The following ARPC1A variants were observed in gnomAD, a reference collection of about 807,000 sequenced individuals.
ARPC1A encodes the protein actin-related protein 2/3 complex subunit 1A.
In ARPC1A, 8 loss-of-function variants were observed where a neutral mutation model predicts 46.9. The ratio of observed to expected loss-of-function variants is 0.17; its 90% CI spans 0.10 to 0.31. The LOEUF (loss-of-function observed/expected upper bound fraction) is 0.31. ARPC1A is among the 10% of genes least tolerant of loss of function. The pLI is 1.00. For missense variants in ARPC1A, 286 were observed against 483.6 expected (o/e 0.59, Z 3.83); for synonymous variants, 152 against 169.0 (o/e 0.90, Z 0.78).
At chr7:99,335,627 G>C in intron 2 of ARPC1A, 1 of 296,442 alleles carries the variant, frequency 3.4e-6, no homozygotes, top group Non-Finnish European at 6.6e-6. Flanking sequence ...TTTTGACAGA[G>C]ATTACTTTGA....
Position 99,366,064 on chromosome 7 carries a change from G to C in ARPC1A, c.*135G>C. 1.8e-6 allele frequency: 2 copies of C among 1,117,378 alleles called. No individual in the cohort carries two copies. The highest frequency in any genetic ancestry group is 5.5e-5 in the East Asian group (2 of 36,532). 69.2% of individuals were successfully genotyped at this position (1,117,378 alleles called of 1,614,324 possible). On this transcript the variant is annotated 3_prime_UTR_variant, in exon 10 of 10. Coordinates refer to ENST00000262942, the MANE Select transcript of ARPC1A (RefSeq NM_006409.4). ...ACGCCAATGCCGTGTGGTTTTGTTT[G>C]AATATAAAATTGGTGAAAGTGTTGG...
At chr7:99,327,865 G>T (rs532789878) in intron 1 of ARPC1A, among the ~76,000 whole-genome samples, 60 of 152,274 alleles carry the variant, frequency 3.9e-4, no homozygotes, top group African/African-American at 1.3e-3. Flanking sequence ...TGGTGACCTT[G>T]TTGGAGTACT....
intron 6 of ARPC1A, among the ~76,000 whole-genome samples, chr7:99,355,792 T>C (rs1410248988): frequency 6.6e-6 from 1 of 150,752 alleles, no homozygotes; most frequent in Non-Finnish European, 1.5e-5. Context: ...CCTTACAAAA[T>C]GTAAGTGCCG....
chr7:99,333,429 A>T lies in ARPC1A; in HGVS notation c.64+12A>T. On this transcript the variant is annotated intron_variant, in intron 2 of 9. Coordinates refer to ENST00000262942, the MANE Select transcript of ARPC1A (RefSeq NM_006409.4). Reference sequence around the variant, plus strand: ...CAGGGATCGTACTCGTAAGTATTTTATTAACTTTGCTTTTGTATTTTGGTA... The same window carrying T: ...CAGGGATCGTACTCGTAAGTATTTTTTTAACTTTGCTTTTGTATTTTGGTA... 1 of 1,610,058 alleles carries T rather than the reference A, an allele frequency of 6.2e-7. No individual in the cohort carries two copies. Among genetic ancestry groups the T allele is most frequent in the South Asian group, 1.1e-5 (1 of 90,084 alleles).
chr7:99,338,989 GAGA>G (rs1793313844), intron 3 of ARPC1A, among the ~76,000 whole-genome samples: 1 of 152,144 alleles, frequency 6.6e-6, no homozygotes, highest in African/African-American at 2.4e-5. Context: ...CCAGAATATT[GAGA>G]AGAACAAAGT....
Position 99,336,156 on chromosome 7 carries a change from T to G in ARPC1A, c.65-2025T>G, listed in dbSNP as rs543234277. ...TTTTTAATACAGATGCAAGCTATCATTGTCCTCATTTAAACTACTTGATAA... is the reference window on the plus strand; with the variant it reads ...TTTTTAATACAGATGCAAGCTATCAGTGTCCTCATTTAAACTACTTGATAA... On this transcript the variant is annotated intron_variant, in intron 2 of 9. Transcript: ENST00000262942. 9.8e-5 allele frequency among the ~76,000 whole-genome samples: 15 copies of G among 152,338 alleles called. No homozygotes were observed. In the South Asian group the frequency reaches 3.1e-3, roughly 32 times the overall value.
In ARPC1A at chr7:99,338,378, A is replaced by ATTTTTTTTTT. The variant is rs754747240; in HGVS notation, c.169+109_169+118dup. The ATTTTTTTTTT allele has an allele frequency of 3.3e-3, 802 of 243,026 alleles. 80 individuals are homozygous for ATTTTTTTTTT. The highest frequency in any genetic ancestry group is 0.032 in the African/African-American group (683 of 21,074). The allele number at this position is 243,026 out of a possible 1,614,324, so 15.1% of individuals were successfully genotyped here. A position where few individuals can be genotyped will look rare whatever the true frequency, so the allele number is the denominator to read the frequency against. On this transcript the variant is annotated intron_variant, in intron 3 of 9. Transcript: ENST00000262942. ...AGCCTAATAAACCCAGGTGGCCATA[A>ATTTTTTTTTT]TTTTTTTTTTTTTTTTTTTTTTTTT... is the stretch of plus-strand genomic sequence containing the variant.
intron 4 of ARPC1A, among the ~76,000 whole-genome samples, chr7:99,347,445 C>T (rs2150867269): frequency 6.6e-6 from 1 of 152,290 alleles, no homozygotes; most frequent in South Asian, 2.1e-4. Flanking sequence ...TGGCTCATGC[C>T]TGTAATCCTA....
At chr7:99,350,847 A>G (rs148139835) in intron 5 of ARPC1A, among the ~76,000 whole-genome samples, 176 of 151,258 alleles carry the variant, frequency 1.2e-3, no homozygotes, top group African/African-American at 4.0e-3. Context: ...GGGTCTCACT[A>G]TGTTGCCCAG....
intron 7 of ARPC1A, 29 bp downstream of exon 7, chr7:99,358,444 G>A (rs761641718): frequency 1.3e-6 from 2 of 1,597,492 alleles, no homozygotes; most frequent in African/African-American, 2.7e-5. Context: ...TCTCCCTCGG[G>A]GTGCACTGTA....
intron 9 of ARPC1A, among the ~76,000 whole-genome samples, chr7:99,365,366 C>T (rs1793817954): frequency 2.6e-5 from 4 of 152,078 alleles, no homozygotes; most frequent in African/African-American, 9.7e-5. Flanking sequence ...CTCGTTTCTC[C>T]TCACTGCTTT....
At chr7:99,330,588 T>A (rs1793129426) in intron 1 of ARPC1A, among the ~76,000 whole-genome samples, 2 of 152,250 alleles carry the variant, frequency 1.3e-5, no homozygotes, top group Non-Finnish European at 2.9e-5. Flanking sequence ...GTGCTGGGAT[T>A]ACAGGCTTGA....
At chr7:99,332,643 G>A (rs570157371) in intron 1 of ARPC1A, among the ~76,000 whole-genome samples, 3 of 148,926 alleles carry the variant, frequency 2.0e-5, no homozygotes, top group African/African-American at 7.4e-5. Context: ...TCACTGTGTC[G>A]CCCAGGCTGG....
In ARPC1A at chr7:99,333,295, T is replaced by C. The variant is rs367800404; in HGVS notation, c.-29-30T>C. 39 of 1,436,446 alleles carry C rather than the reference T, an allele frequency of 2.7e-5. No homozygotes were observed. The African/African-American group carries it at 4.1e-4, about 15-fold the overall frequency. 89.0% of individuals were successfully genotyped at this position (1,436,446 alleles called of 1,614,324 possible). A position where few individuals can be genotyped will look rare whatever the true frequency, so the allele number is the denominator to read the frequency against. On this transcript the variant is annotated intron_variant, in intron 1 of 9. Transcript: ENST00000262942. Reference sequence around the variant, plus strand: ...GGTTACTTGCCTTTTCCCTATTGTATAAAATGCTTTTTGTTATTGTTCATT... The same window carrying C: ...GGTTACTTGCCTTTTCCCTATTGTACAAAATGCTTTTTGTTATTGTTCATT...
intron 1 of ARPC1A, among the ~76,000 whole-genome samples, chr7:99,332,941 G>C (rs1292376921): frequency 1.4e-5 from 2 of 144,866 alleles, no homozygotes; most frequent in Admixed American, 6.8e-5. Flanking sequence ...CTGTCGCCCA[G>C]GCTGGAGTGC....
At position 99,363,581 on chromosome 7, in the gene ARPC1A, G is replaced by A. The variant is rs1336685684; in HGVS notation, c.1022G>A (p.Arg341His). Residue 341 changes from arginine to histidine, a missense_variant, in exon 9 of 10, where the codon CGC becomes CAC. Around this residue, in one of 5 missense-constraint regions of ARPC1A, gnomAD observed 182 missense variants for 276.7 expected, o/e 0.66. Coordinates refer to ENST00000262942, the MANE Select transcript of ARPC1A (RefSeq NM_006409.4). ...SIYEVDKQDC[R>H]KFCTTGIDGA... ...TATGAGGTGGACAAGCAAGATTGTC[G>A]CAAATTTTGCACTACTGGCATCGAT... is the stretch of plus-strand genomic sequence containing the variant. The A allele has an allele frequency of 9.9e-6, 16 of 1,612,874 alleles. No homozygotes were observed. The highest frequency in any genetic ancestry group is 1.4e-5 in the Non-Finnish European group (16 of 1,179,768).
intron 5 of ARPC1A, 55 bp downstream of exon 5, chr7:99,349,014 A>G: frequency 6.7e-7 from 1 of 1,482,294 alleles, no homozygotes; most frequent in South Asian, 1.2e-5. Flanking sequence ...ATCCTTCAAC[A>G]AATAATTTTA....
At chr7:99,353,296 C>G (rs1195045324) in intron 5 of ARPC1A, among the ~76,000 whole-genome samples, 1 of 149,322 alleles carries the variant, frequency 6.7e-6, no homozygotes, top group Non-Finnish European at 1.5e-5. Context: ...GTAGCTGGGA[C>G]TACAGGCGCC....
intron 7 of ARPC1A, 120 bp downstream of exon 7, chr7:99,358,535 A>ATTT: frequency 7.7e-6 from 4 of 516,398 alleles, no homozygotes; most frequent in South Asian, 3.3e-5. Flanking sequence ...AACAGAGCTC[A>ATTT]CTTTTTTTTT....
Sources: allele counts gnomAD v4.1 joint callset (sites outside exome capture counted in the v4.1 genomes callset), GRCh38; gene constraint gnomAD v4.1.1; regional missense constraint gnomAD v4.1.1; transcripts MANE v1.5; gene names NCBI Gene and HGNC (gene_info 2026-07-23, HGNC 2026-07-21).